The following CHCHD6 variants were observed in gnomAD, a reference collection of about 807,000 sequenced individuals.
The protein encoded by CHCHD6 is MICOS complex subunit MIC25.
A neutral mutation model predicts 32.3 loss-of-function variants in CHCHD6; 28 were observed. That is an observed-to-expected ratio of 0.87 (90% CI 0.64 to 1.19). CHCHD6 has a LOEUF of 1.19. CHCHD6 is among the 50% of genes most tolerant of loss of function. The probability of loss-of-function intolerance (pLI) is 0.00; values close to 1 mark genes in which losing one functional copy is unlikely to be tolerated. For synonymous variants in CHCHD6, 122 were observed against 117.5 expected (o/e 1.04, Z -0.25); for missense variants, 333 against 307.0 (o/e 1.08, Z -0.63).
At chr3:126,798,338 G>A (rs1448833463) in intron 4 of CHCHD6, among the ~76,000 whole-genome samples, 1 of 152,130 alleles carries the variant, frequency 6.6e-6, no homozygotes, top group Non-Finnish European at 1.5e-5. Context: ...GGAGACACCT[G>A]GGCCTGCTAA....
intron 5 of CHCHD6, among the ~76,000 whole-genome samples, chr3:126,906,014 C>G (rs1456276236): frequency 6.6e-6 from 1 of 152,068 alleles, no homozygotes; most frequent in East Asian, 1.9e-4. Flanking sequence ...ATTGATGGAG[C>G]ACAGTTCTGA....
intron 5 of CHCHD6, among the ~76,000 whole-genome samples, chr3:126,903,161 G>C (rs1212598550): frequency 6.6e-6 from 1 of 152,210 alleles, no homozygotes; most frequent in Admixed American, 6.5e-5. Context: ...GCTGAGTGCA[G>C]TGCCTCGTCC....
At chr3:126,943,682 C>T (rs1251531183) in intron 6 of CHCHD6, among the ~76,000 whole-genome samples, 1 of 152,116 alleles carries the variant, frequency 6.6e-6, no homozygotes, top group African/African-American at 2.4e-5. Context: ...CGAGGTAGGG[C>T]TGTCATAATG....
chr3:126,838,454 T>C (rs1406897139), intron 4 of CHCHD6, among the ~76,000 whole-genome samples: 2 of 152,226 alleles, frequency 1.3e-5, no homozygotes, highest in East Asian at 3.8e-4. Context: ...TGTTCAGCTC[T>C]GCCCCTCCTC....
intron 4 of CHCHD6, among the ~76,000 whole-genome samples, chr3:126,801,877 A>G (rs1939093856): frequency 1.3e-5 from 2 of 152,206 alleles, no homozygotes; most frequent in Admixed American, 1.3e-4. Context: ...TTCCAGAGGA[A>G]CGATCAGACA....
intron 4 of CHCHD6, among the ~76,000 whole-genome samples, chr3:126,775,698 C>T (rs1937626521): frequency 6.6e-6 from 1 of 152,226 alleles, no homozygotes. Flanking sequence ...CCCCATGTAA[C>T]TCAGAGCTTC....
At chr3:126,746,969 G>A (rs1424785386) in intron 4 of CHCHD6, among the ~76,000 whole-genome samples, 1 of 152,228 alleles carries the variant, frequency 6.6e-6, no homozygotes, top group East Asian at 1.9e-4. Flanking sequence ...CCTGGGTGCT[G>A]TGGGGCTGTG....
chr3:126,922,943 T>A (rs1481720932), intron 6 of CHCHD6, among the ~76,000 whole-genome samples: 1 of 152,188 alleles, frequency 6.6e-6, no homozygotes, highest in Non-Finnish European at 1.5e-5. Flanking sequence ...GACCACACCT[T>A]GGCTGGTTCT....
At chr3:126,845,392 G>A (rs981165145) in intron 4 of CHCHD6, among the ~76,000 whole-genome samples, 5 of 152,096 alleles carry the variant, frequency 3.3e-5, no homozygotes, top group East Asian at 1.9e-4. Flanking sequence ...CATAATCTAC[G>A]TTCAAAAATA....
intron 5 of CHCHD6, among the ~76,000 whole-genome samples, chr3:126,865,186 C>G (rs1220405947): frequency 2.9e-5 from 4 of 137,272 alleles, no homozygotes; most frequent in Non-Finnish European, 6.4e-5. Context: ...TCCTCCTCCA[C>G]TACCACCTCC....
At chr3:126,732,361 G>A (rs960562687) in intron 3 of CHCHD6, among the ~76,000 whole-genome samples, 1 of 152,078 alleles carries the variant, frequency 6.6e-6, no homozygotes, top group Non-Finnish European at 1.5e-5. Flanking sequence ...TTTTCACTTA[G>A]TATTATAATG....
intron 4 of CHCHD6, among the ~76,000 whole-genome samples, chr3:126,790,824 G>A (rs1251645760): frequency 6.6e-6 from 1 of 152,166 alleles, no homozygotes; most frequent in African/African-American, 2.4e-5. Context: ...CTCTCAAGTT[G>A]TCAAAGTCAT....
chr3:126,896,626 G>C (rs779945887), intron 5 of CHCHD6, among the ~76,000 whole-genome samples: 7 of 152,204 alleles, frequency 4.6e-5, no homozygotes, highest in Admixed American at 2.0e-4. Context: ...AAATCTGCTT[G>C]GCCCAGCTCT....
chr3:126,931,167 C>T (rs2078399609), intron 6 of CHCHD6, among the ~76,000 whole-genome samples: 1 of 152,250 alleles, frequency 6.6e-6, no homozygotes, highest in Admixed American at 6.5e-5. Flanking sequence ...CACCCAAAGC[C>T]CTGACTGGCC....
At chr3:126,766,847 G>C (rs1363602300) in intron 4 of CHCHD6, 1 of 957,666 alleles carries the variant, frequency 1.0e-6, no homozygotes, top group Non-Finnish European at 1.7e-6. Flanking sequence ...GACACCCGAT[G>C]TCCAGGGAAG....
chr3:126,872,357 G>A (rs946334301), intron 5 of CHCHD6, among the ~76,000 whole-genome samples: 1 of 152,138 alleles, frequency 6.6e-6, no homozygotes, highest in African/African-American at 2.4e-5. Flanking sequence ...GCAACATTGT[G>A]AAACTCTGCT....
chr3:126,737,644 G>T (rs1304782175), intron 4 of CHCHD6, among the ~76,000 whole-genome samples: 5 of 152,050 alleles, frequency 3.3e-5, no homozygotes, highest in Non-Finnish European at 7.4e-5. Context: ...ATACTTCCTG[G>T]TAGGGTGGGA....
intron 5 of CHCHD6, among the ~76,000 whole-genome samples, chr3:126,871,005 C>T (rs777499482): frequency 5.3e-5 from 8 of 152,162 alleles, no homozygotes; most frequent in South Asian, 2.1e-4. Context: ...GTGAATTCTG[C>T]GCTGAGCTGT....
Position 126,712,416 on chromosome 3 carries a change from C to G in CHCHD6, c.87+8017C>G, listed in dbSNP as rs575441806. On this transcript the variant is annotated intron_variant, in intron 1 of 7. Coordinates refer to ENST00000290913, the MANE Select transcript of CHCHD6 (RefSeq NM_032343.3). ...ATTACATTCCTCCTTTCTTGTATCA[C>G]AGTACAATGTTGAAGGTCTCTGTAT... Among the ~76,000 whole-genome samples the G allele has an allele frequency of 4.1e-4, 63 of 152,266 alleles. 1 individual carries two copies. In the South Asian group the frequency reaches 0.013, roughly 32 times the overall value.
Sources: gnomAD v4.1 joint callset for allele counts (sites outside exome capture counted in the v4.1 genomes callset) on GRCh38, gnomAD v4.1.1 for gene constraint, MANE v1.5 for transcripts, NCBI Gene and HGNC (gene_info 2026-07-23, HGNC 2026-07-21) for gene names.